The following WWOX variants were observed in gnomAD, a reference collection of about 807,000 sequenced individuals.
WWOX encodes WW domain containing oxidoreductase, also known as WW domain-containing oxidoreductase.
Under a neutral mutation model 46.2 loss-of-function variants are expected in WWOX, and 69 were observed. The ratio of observed to expected loss-of-function variants is 1.49; its 90% CI spans 1.23 to 1.82. WWOX has a LOEUF of 1.82. Among genes scored for constraint, WWOX ranks in the 40% most tolerant of loss-of-function variants. The pLI is 0.00. For synonymous variants in WWOX, 359 were observed against 202.6 expected (o/e 1.77, Z -6.56); for missense variants, 919 against 542.6 (o/e 1.69, Z -6.89).
At chr16:78,715,613 G>T (rs889345127) in intron 8 of WWOX, among the ~76,000 whole-genome samples, 1 of 152,050 alleles carries the variant, frequency 6.6e-6, no homozygotes, top group Non-Finnish European at 1.5e-5. Flanking sequence ...CCGAGTAGCT[G>T]GGATTACAGG....
At chr16:78,913,441 C>G (rs530603061) in intron 8 of WWOX, among the ~76,000 whole-genome samples, 1 of 151,910 alleles carries the variant, frequency 6.6e-6, no homozygotes, top group African/African-American at 2.4e-5. Flanking sequence ...GCAAAACCCT[C>G]ACGGCTCTTT....
chr16:78,595,824 C>G (rs773103243), intron 8 of WWOX, among the ~76,000 whole-genome samples: 16 of 152,218 alleles, frequency 1.1e-4, no homozygotes, highest in Non-Finnish European at 1.9e-4. Context: ...TTGAACTGTT[C>G]TGAAATATGC....
intron 8 of WWOX, among the ~76,000 whole-genome samples, chr16:78,661,408 T>C (rs1046223917): frequency 4.6e-5 from 7 of 152,190 alleles, no homozygotes; most frequent in African/African-American, 1.7e-4. Flanking sequence ...GGGCAATTTT[T>C]TTTTCCCCTT....
intron 4 of WWOX, among the ~76,000 whole-genome samples, chr16:78,163,028 G>A (rs948515241): frequency 1.3e-5 from 2 of 152,060 alleles, no homozygotes; most frequent in African/African-American, 4.8e-5. Flanking sequence ...TTGTCAGTCA[G>A]ACTTATTTTA....
At chr16:78,687,364 A>C (rs1597446088) in intron 8 of WWOX, among the ~76,000 whole-genome samples, 1 of 152,226 alleles carries the variant, frequency 6.6e-6, no homozygotes, top group Non-Finnish European at 1.5e-5. Flanking sequence ...GAGAATCGAA[A>C]ATGCGAAAGT....
intron 5 of WWOX, among the ~76,000 whole-genome samples, chr16:78,369,547 C>G (rs1253291179): frequency 1.3e-5 from 2 of 152,140 alleles, no homozygotes; most frequent in Non-Finnish European, 2.9e-5. Flanking sequence ...GCGCTGGCCA[C>G]ACAAGTGCAC....
chr16:78,623,831 G>T (rs2046246037), intron 8 of WWOX, among the ~76,000 whole-genome samples: 1 of 151,882 alleles, frequency 6.6e-6, no homozygotes, highest in African/African-American at 2.4e-5. Flanking sequence ...TACATTACTG[G>T]GATTCATACG....
chr16:79,138,823 C>A (rs895610335), intron 8 of WWOX, among the ~76,000 whole-genome samples: 6 of 152,168 alleles, frequency 3.9e-5, no homozygotes, highest in African/African-American at 1.2e-4. Flanking sequence ...TAGGGACTCA[C>A]CAGATGTGGC....
At chr16:78,359,671 A>G (rs1243395161) in intron 5 of WWOX, among the ~76,000 whole-genome samples, 2 of 152,230 alleles carry the variant, frequency 1.3e-5, no homozygotes, top group Admixed American at 1.3e-4. Context: ...ATTTAAAAAA[A>G]TAAATTTTCA....
At chr16:78,358,178 C>G (rs944066814) in intron 5 of WWOX, among the ~76,000 whole-genome samples, 19 of 152,126 alleles carry the variant, frequency 1.2e-4, no homozygotes, top group African/African-American at 3.9e-4. Flanking sequence ...ACACATTAAT[C>G]AACAATTCTC....
At chr16:78,482,438 G>A (rs1001289904) in intron 8 of WWOX, among the ~76,000 whole-genome samples, 4 of 152,096 alleles carry the variant, frequency 2.6e-5, no homozygotes, top group Non-Finnish European at 5.9e-5. Flanking sequence ...AGCCATGCTG[G>A]CCTCGAACTC....
At chr16:78,433,492 T>G (rs1004549149) in intron 8 of WWOX, among the ~76,000 whole-genome samples, 1 of 152,218 alleles carries the variant, frequency 6.6e-6, no homozygotes, top group Non-Finnish European at 1.5e-5. Flanking sequence ...ACCAAAGGAC[T>G]TCAAAAATGT....
chr16:78,970,421 T>C (rs1448179444), intron 8 of WWOX, among the ~76,000 whole-genome samples: 1 of 152,188 alleles, frequency 6.6e-6, no homozygotes, highest in Non-Finnish European at 1.5e-5. Context: ...AGCACAGCAG[T>C]GACAAAGGTG....
At chr16:78,611,032 G>C (rs997248113) in intron 8 of WWOX, among the ~76,000 whole-genome samples, 1 of 152,106 alleles carries the variant, frequency 6.6e-6, no homozygotes, top group African/African-American at 2.4e-5. Context: ...GCAATATGAA[G>C]AACAATTTCA....
intron 8 of WWOX, among the ~76,000 whole-genome samples, chr16:78,648,319 C>A (rs147203040): frequency 6.6e-6 from 1 of 152,136 alleles, no homozygotes; most frequent in Non-Finnish European, 1.5e-5. Context: ...TGTAAGGAAA[C>A]GCTGGTGGGT....
chr16:78,554,752 C>A (rs866962832), intron 8 of WWOX, among the ~76,000 whole-genome samples: 7 of 152,126 alleles, frequency 4.6e-5, no homozygotes, highest in African/African-American at 1.7e-4. Flanking sequence ...CCTCAGCTCC[C>A]TTCTTCTCTA....
intron 8 of WWOX, among the ~76,000 whole-genome samples, chr16:78,571,729 G>A (rs764434863): frequency 1.3e-5 from 2 of 152,220 alleles, no homozygotes; most frequent in East Asian, 1.9e-4. Flanking sequence ...TTAGCCAGGC[G>A]TGGTGGTATG....
chr16:79,033,451 T>C (rs933285756), intron 8 of WWOX, among the ~76,000 whole-genome samples: 2 of 151,280 alleles, frequency 1.3e-5, no homozygotes, highest in Non-Finnish European at 1.5e-5. Flanking sequence ...ATTTTCTTTA[T>C]CCAGAATAAA....
At chr16:78,402,684 G>A (rs1597172236) in intron 6 of WWOX, among the ~76,000 whole-genome samples, 1 of 152,168 alleles carries the variant, frequency 6.6e-6, no homozygotes, top group African/African-American at 2.4e-5. Flanking sequence ...AAGCCAACAA[G>A]AGACAAGGTG....
Sources: gnomAD v4.1 joint callset for allele counts (sites outside exome capture counted in the v4.1 genomes callset) on GRCh38, gnomAD v4.1.1 for gene constraint, MANE v1.5 for transcripts, NCBI Gene and HGNC (gene_info 2026-07-23, HGNC 2026-07-21) for gene names.